PTPRT: variants seen among roughly 807,000 people sequenced by gnomAD.
PTPRT encodes receptor-type tyrosine-protein phosphatase T.
A neutral mutation model predicts 176.8 loss-of-function variants in PTPRT; 56 were observed. The observed-to-expected ratio is 0.32, with a 90% CI of 0.26 to 0.40. The LOEUF (loss-of-function observed/expected upper bound fraction) is 0.40, where lower values mean the gene tolerates loss of function less well. PTPRT is among the 10% of genes least tolerant of loss of function. The pLI is 1.00. For synonymous variants in PTPRT, 783 were observed against 739.0 expected, an observed-to-expected ratio of 1.06 and a Z score of -0.96; for missense variants, 1,540 against 1,908.2, an observed-to-expected ratio of 0.81 and a Z score of 3.60.
chr20:42,136,601 T>C (rs988223313), intron 18 of PTPRT, among the ~76,000 whole-genome samples: 1 of 152,046 alleles, frequency 6.6e-6, no homozygotes, highest in African/African-American at 2.4e-5. Flanking sequence ...TTGAGGGGAC[T>C]GAAGGGGACT....
chr20:42,524,163 A>G (rs908144090), intron 7 of PTPRT, among the ~76,000 whole-genome samples: 1 of 152,178 alleles, frequency 6.6e-6, no homozygotes, highest in Non-Finnish European at 1.5e-5. Context: ...ACACACATAT[A>G]CCAACTTGAA....
intron 7 of PTPRT, among the ~76,000 whole-genome samples, chr20:42,487,703 C>A (rs1471939970): frequency 6.6e-6 from 1 of 152,220 alleles, no homozygotes; most frequent in South Asian, 2.1e-4. Context: ...ACAGATTCTC[C>A]CCCAGAGTCG....
chr20:42,891,290 G>T (rs2079188326), intron 1 of PTPRT, among the ~76,000 whole-genome samples: 1 of 152,192 alleles, frequency 6.6e-6, no homozygotes, highest in Non-Finnish European at 1.5e-5. Context: ...CTGAGGTTTG[G>T]TGAAGATCCA....
chr20:42,556,828 T>A (rs2072869499), intron 7 of PTPRT, among the ~76,000 whole-genome samples: 2 of 152,098 alleles, frequency 1.3e-5, no homozygotes, highest in Admixed American at 1.3e-4. Context: ...CTCAACTGAG[T>A]GACATTGCTG....
chr20:42,865,910 T>C (rs1213610547), intron 2 of PTPRT, among the ~76,000 whole-genome samples: 2 of 152,150 alleles, frequency 1.3e-5, no homozygotes, highest in Non-Finnish European at 1.5e-5. Context: ...ACCCACACCC[T>C]AGATTGTGGC....
chr20:42,614,948 A>T (rs553258588), intron 7 of PTPRT, among the ~76,000 whole-genome samples: 3,525 of 92,028 alleles, frequency 0.038, 139 homozygotes, highest in African/African-American at 0.18. Context: ...TTTTTTTTTT[A>T]ATTATACTTT....
At chr20:42,086,573 C>G (rs76893597) in intron 27 of PTPRT, among the ~76,000 whole-genome samples, 1 of 151,066 alleles carries the variant, frequency 6.6e-6, no homozygotes, top group East Asian at 2.0e-4. Flanking sequence ...TCATCACAAG[C>G]TCTTCCTCAT....
At chr20:42,439,901 T>C (rs2059296722) in intron 9 of PTPRT, among the ~76,000 whole-genome samples, 1 of 152,074 alleles carries the variant, frequency 6.6e-6, no homozygotes, top group Non-Finnish European at 1.5e-5. Context: ...CAAGGTAGGA[T>C]TTTTTGTTTA....
intron 2 of PTPRT, among the ~76,000 whole-genome samples, chr20:42,833,843 A>T (rs2078135477): frequency 6.6e-6 from 1 of 152,190 alleles, no homozygotes; most frequent in Non-Finnish European, 1.5e-5. Flanking sequence ...AGGACCCTTG[A>T]CCTATACCTC....
intron 7 of PTPRT, among the ~76,000 whole-genome samples, chr20:42,620,301 G>C (rs374941617): frequency 0.17 from 24,107 of 139,800 alleles, 3,125 homozygotes; most frequent in African/African-American, 0.35. Flanking sequence ...TGCCTATTCT[G>C]AGATCTCCAG....
In PTPRT at chr20:42,436,820, G is replaced by A. The variant is rs567722014; in HGVS notation, c.1560+11400C>T. Among the ~76,000 whole-genome samples, 21 of 152,302 alleles carry A rather than the reference G, an allele frequency of 1.4e-4. No individual in the cohort carries two copies. In the South Asian group the frequency reaches 4.4e-3, roughly 32 times the overall value. ...TGAGTGAAAGTTTTGTAGTATCTTCGTGCAGTGGAGTAGTAGACAGCAGTC... is the reference window on the plus strand; with the variant it reads ...TGAGTGAAAGTTTTGTAGTATCTTCATGCAGTGGAGTAGTAGACAGCAGTC... On this transcript the variant is annotated intron_variant, in intron 9 of 30. Coordinates refer to ENST00000373187, the MANE Select transcript of PTPRT (RefSeq NM_007050.6).
chr20:43,053,014 G>A (rs1459826482), intron 1 of PTPRT, among the ~76,000 whole-genome samples: 1 of 151,736 alleles, frequency 6.6e-6, no homozygotes, highest in African/African-American at 2.4e-5. Context: ...AATAGGCAAA[G>A]GTGGATATGG....
chr20:43,139,153 C>G (rs2013924910), intron 1 of PTPRT, among the ~76,000 whole-genome samples: 1 of 152,254 alleles, frequency 6.6e-6, no homozygotes, highest in African/African-American at 2.4e-5. Context: ...GCTTTGCTAA[C>G]AAGACCACTA....
chr20:43,019,613 G>C (rs919035620), intron 1 of PTPRT, among the ~76,000 whole-genome samples: 9 of 130,992 alleles, frequency 6.9e-5, no homozygotes, highest in Admixed American at 2.3e-4. Context: ...GCGAGACACC[G>C]TCTCAAAAAA....
chr20:43,028,358 T>C (rs989937757), intron 1 of PTPRT, among the ~76,000 whole-genome samples: 9 of 152,146 alleles, frequency 5.9e-5, no homozygotes, highest in African/African-American at 1.9e-4. Context: ...ATAGCAATAT[T>C]TTCCTAGTAA....
At chr20:42,367,673 G>T (rs1320168156) in intron 9 of PTPRT, among the ~76,000 whole-genome samples, 3 of 152,204 alleles carry the variant, frequency 2.0e-5, no homozygotes, top group African/African-American at 7.2e-5. Flanking sequence ...GGGTGAGACT[G>T]ATCAGCCTCA....
At chr20:42,337,278 G>C (rs2058053961) in intron 11 of PTPRT, among the ~76,000 whole-genome samples, 1 of 152,124 alleles carries the variant, frequency 6.6e-6, no homozygotes, top group Non-Finnish European at 1.5e-5. Flanking sequence ...TTTCTTAGCA[G>C]AGCTATTGAT....
chr20:42,647,242 G>C (rs769049804), intron 7 of PTPRT, among the ~76,000 whole-genome samples: 2 of 151,906 alleles, frequency 1.3e-5, no homozygotes, highest in Non-Finnish European at 2.9e-5. Context: ...GCATCCCCAG[G>C]TTCATATCTT....
At chr20:42,999,136 C>A (rs946109694) in intron 1 of PTPRT, among the ~76,000 whole-genome samples, 1 of 152,068 alleles carries the variant, frequency 6.6e-6, no homozygotes, top group Admixed American at 6.6e-5. Flanking sequence ...TACTGTGCAG[C>A]CATTAAAATT....
Sources: gnomAD v4.1 joint callset for allele counts (sites outside exome capture counted in the v4.1 genomes callset) on GRCh38, gnomAD v4.1.1 for gene constraint, MANE v1.5 for transcripts, NCBI Gene and HGNC (gene_info 2026-07-23, HGNC 2026-07-21) for gene names.